HERC3: variants seen among roughly 807,000 people sequenced by gnomAD.
The protein encoded by HERC3 is probable E3 ubiquitin-protein ligase HERC3.
Under a neutral mutation model 129.9 loss-of-function variants are expected in HERC3, and 58 were observed. The ratio of observed to expected loss-of-function variants is 0.45; its 90% CI spans 0.36 to 0.56. The LOEUF (loss-of-function observed/expected upper bound fraction) is 0.56. Among genes scored for constraint, HERC3 ranks in the 20% least tolerant of loss-of-function variants. The probability of loss-of-function intolerance (pLI) is 0.00; values close to 1 mark genes in which losing one functional copy is unlikely to be tolerated. For missense variants in HERC3, 835 were observed against 1,244.2 expected (o/e 0.67, Z 4.95); for synonymous variants, 430 against 451.0 (o/e 0.95, Z 0.59).
At chr4:88,593,479 G>A (rs1285026895) in intron 1 of HERC3, 1 of 152,238 alleles carries the variant, frequency 6.6e-6, no homozygotes, top group Non-Finnish European at 1.5e-5. Context: ...TATGCAGCAT[G>A]AGCTCCAGGG....
chr4:88,687,914 T>A (rs903164278), intron 23 of HERC3, among the ~76,000 whole-genome samples: 1 of 152,218 alleles, frequency 6.6e-6, no homozygotes, highest in African/African-American at 2.4e-5. Context: ...TCAATTTTGC[T>A]TACTTTTATA....
chr4:88,661,227 G>C (rs1730461063), intron 10 of HERC3, among the ~76,000 whole-genome samples: 2 of 152,178 alleles, frequency 1.3e-5, no homozygotes, highest in Non-Finnish European at 2.9e-5. Flanking sequence ...GTGTACTCCA[G>C]CATCTGCTTT....
intron 2 of HERC3, among the ~76,000 whole-genome samples, chr4:88,602,509 G>A (rs1478659377): frequency 6.6e-6 from 1 of 151,512 alleles, no homozygotes; most frequent in Admixed American, 6.6e-5. Context: ...GATGGGTCTC[G>A]CTCTATTACC....
At chr4:88,606,253 CTTT>C (rs558927566) in intron 3 of HERC3, among the ~76,000 whole-genome samples, 8 of 135,362 alleles carry the variant, frequency 5.9e-5, no homozygotes, top group Non-Finnish European at 8.0e-5. Flanking sequence ...CTTTTCTTTT[CTTT>C]TTTTTTTTTT....
At chr4:88,567,170 G>A in the HERC3 span, among the ~76,000 whole-genome samples, 3 of 152,140 alleles carry the variant, frequency 2.0e-5, no homozygotes, top group Non-Finnish European at 2.9e-5. Flanking sequence ...ATGTATTGGA[G>A]CTCATTTGTA....
chr4:88,577,988 T>C, the HERC3 span, among the ~76,000 whole-genome samples: 1 of 152,170 alleles, frequency 6.6e-6, no homozygotes, highest in Non-Finnish European at 1.5e-5. Flanking sequence ...AGAAGATTCA[T>C]TCCTTCAGCC....
chr4:88,680,061 C>A (rs376932867), intron 19 of HERC3, 32 bp from the exon 20 acceptor site: 8 of 1,572,900 alleles, frequency 5.1e-6, no homozygotes, highest in Non-Finnish European at 6.9e-6. Flanking sequence ...ATAGATTTCC[C>A]GGAAGCATTA....
the HERC3 span, among the ~76,000 whole-genome samples, chr4:88,560,306 A>G: frequency 1.3e-5 from 2 of 152,130 alleles, no homozygotes; most frequent in African/African-American, 4.8e-5. Flanking sequence ...GTGATATCTC[A>G]TAATGGTTTT....
At chr4:88,646,639 A>G (rs1728719267) in intron 3 of HERC3, among the ~76,000 whole-genome samples, 1 of 152,146 alleles carries the variant, frequency 6.6e-6, no homozygotes, top group Admixed American at 6.5e-5. Flanking sequence ...TGCATGTGAA[A>G]ATGAATCAGA....
At chr4:88,539,942 C>A in the HERC3 span, among the ~76,000 whole-genome samples, 1 of 152,124 alleles carries the variant, frequency 6.6e-6, no homozygotes, top group East Asian at 1.9e-4. Context: ...AGGTCACCAA[C>A]AACAAAGACC....
intron 23 of HERC3, among the ~76,000 whole-genome samples, chr4:88,688,061 A>T (rs746702979): frequency 2.0e-5 from 3 of 152,226 alleles, no homozygotes; most frequent in African/African-American, 7.2e-5. Context: ...AGAAGGGTCA[A>T]TGTATGGAAT....
At chr4:88,694,630 A>T (rs1023286754) in intron 23 of HERC3, among the ~76,000 whole-genome samples, 1 of 152,218 alleles carries the variant, frequency 6.6e-6, no homozygotes, top group African/African-American at 2.4e-5. Flanking sequence ...TAAGGTGAAC[A>T]TTATGGTAAT....
In HERC3 at chr4:88,605,890, G is replaced by A; in HGVS notation, c.67G>A (p.Ala23Thr). 1 of 1,614,212 alleles carries A rather than the reference G, an allele frequency of 6.2e-7. No individual in the cohort carries two copies. The highest frequency in any genetic ancestry group is 8.5e-7 in the Non-Finnish European group (1 of 1,180,036). The change falls in exon 3 of 26, where the codon GCT becomes ACT. Residue 23 changes from alanine to threonine, a missense_variant. Physicochemically the swap from Ala to Thr is moderately conservative, Grantham distance 58. Coordinates refer to ENST00000402738, the MANE Select transcript of HERC3 (RefSeq NM_014606.3). ...CAGCACCAACCTGCAGGGAATTGTG[G>A]CTGAGCCCCAGGTGTGTGGGTTCAT... is the stretch of plus-strand genomic sequence containing the variant. ...GISTNLQGIVAEPQVCGFISD... is the reference protein window; with the variant it reads ...GISTNLQGIVTEPQVCGFISD...
the HERC3 span, among the ~76,000 whole-genome samples, chr4:88,538,542 C>T: frequency 5.7e-5 from 8 of 139,576 alleles, no homozygotes; most frequent in Non-Finnish European, 1.1e-4. Flanking sequence ...GTCCCAATTT[C>T]CTCTTTTTTT....
At chr4:88,596,467 A>G (rs772781712) in intron 2 of HERC3, among the ~76,000 whole-genome samples, 1 of 152,126 alleles carries the variant, frequency 6.6e-6, no homozygotes, top group Non-Finnish European at 1.5e-5. Context: ...TTTTCTAAGA[A>G]TGGGGGTCAG....
At chr4:88,588,773 A>T (rs1721591169), upstream of HERC3, among the ~76,000 whole-genome samples, 1 of 152,254 alleles carries the variant, frequency 6.6e-6, no homozygotes, top group Non-Finnish European at 1.5e-5. Context: ...GTTTCATTTG[A>T]AAATAGATGT....
chr4:88,632,618 T>C (rs1052224334), intron 3 of HERC3, among the ~76,000 whole-genome samples: 1 of 152,104 alleles, frequency 6.6e-6, no homozygotes, highest in African/African-American at 2.4e-5. Flanking sequence ...ATAACTAAAA[T>C]GAGAAGCTCA....
chr4:88,631,387 A>G (rs1465783971), intron 3 of HERC3, among the ~76,000 whole-genome samples: 1 of 152,204 alleles, frequency 6.6e-6, no homozygotes, highest in East Asian at 1.9e-4. Flanking sequence ...CCCAGGAGGC[A>G]GAGGTTACAG....
the HERC3 span, among the ~76,000 whole-genome samples, chr4:88,577,604 T>C: frequency 6.7e-6 from 1 of 148,814 alleles, no homozygotes; most frequent in Admixed American, 6.6e-5. Flanking sequence ...TGTATGTGTG[T>C]GTATATATAT....
Sources: allele counts gnomAD v4.1 joint callset (sites outside exome capture counted in the v4.1 genomes callset), GRCh38; gene constraint gnomAD v4.1.1; transcripts MANE v1.5; gene names NCBI Gene and HGNC (gene_info 2026-07-23, HGNC 2026-07-21).